The following UBE3D variants were observed in gnomAD, a reference collection of about 807,000 sequenced individuals.
UBE3D encodes ubiquitin protein ligase E3D.
A neutral mutation model predicts 49.6 loss-of-function variants in UBE3D; 48 were observed. The ratio of observed to expected loss-of-function variants is 0.97; its 90% CI spans 0.77 to 1.23. The LOEUF (loss-of-function observed/expected upper bound fraction) is 1.23, where lower values mean the gene tolerates loss of function less well. Among genes scored for constraint, UBE3D ranks in the 50% most tolerant of loss-of-function variants. The pLI is 0.00. For missense variants in UBE3D, 452 were observed against 468.4 expected (o/e 0.96, Z 0.32); for synonymous variants, 189 against 174.2 (o/e 1.08, Z -0.67).
At chr6:82,968,950 T>C (rs1777144897) in intron 8 of UBE3D, among the ~76,000 whole-genome samples, 1 of 152,186 alleles carries the variant, frequency 6.6e-6, no homozygotes, top group Non-Finnish European at 1.5e-5. Context: ...TTATTAGGCC[T>C]TTTCTCATCA....
intron 8 of UBE3D, among the ~76,000 whole-genome samples, chr6:82,961,749 G>T (rs1030418744): frequency 1.3e-5 from 2 of 152,034 alleles, no homozygotes; most frequent in African/African-American, 4.8e-5. Flanking sequence ...ATCACCTGAG[G>T]TCGGGAGTTC....
intron 9 of UBE3D, among the ~76,000 whole-genome samples, chr6:82,893,762 G>A (rs569135186): frequency 3.5e-4 from 54 of 152,286 alleles, no homozygotes; most frequent in Non-Finnish European, 1.5e-4. Context: ...CGTATTAGGC[G>A]TGAGCAACAG....
At chr6:83,017,208 CTAA>C (rs1335192762) in intron 8 of UBE3D, 4 of 152,120 alleles carry the variant, frequency 2.6e-5, no homozygotes, top group African/African-American at 9.7e-5. Flanking sequence ...TTTTATTCCT[CTAA>C]TAACACAGCT....
At chr6:82,939,727 C>T (rs1003295972) in intron 9 of UBE3D, among the ~76,000 whole-genome samples, 1 of 152,186 alleles carries the variant, frequency 6.6e-6, no homozygotes, top group Non-Finnish European at 1.5e-5. Context: ...TGTAAGTGCA[C>T]TCTATGACAT....
chr6:82,882,328 C>T, the UBE3D span, among the ~76,000 whole-genome samples: 2 of 152,034 alleles, frequency 1.3e-5, no homozygotes, highest in African/African-American at 4.8e-5. Context: ...AAGGCTTTAT[C>T]GGAATATAAA....
chr6:82,954,104 T>G (rs1303948525), intron 9 of UBE3D, among the ~76,000 whole-genome samples: 1 of 152,192 alleles, frequency 6.6e-6, no homozygotes, highest in African/African-American at 2.4e-5. Context: ...GGCCAAGATG[T>G]TCCCCGGCCT....
intron 8 of UBE3D, among the ~76,000 whole-genome samples, chr6:82,961,239 C>T (rs372043696): frequency 6.6e-6 from 1 of 152,150 alleles, no homozygotes; most frequent in Admixed American, 6.5e-5. Flanking sequence ...TTTGAAGACA[C>T]ATTACTTAGT....
intron 8 of UBE3D, among the ~76,000 whole-genome samples, chr6:83,009,817 A>G (rs1318207393): frequency 6.6e-6 from 1 of 150,492 alleles, no homozygotes; most frequent in Non-Finnish European, 1.5e-5. Flanking sequence ...GAAGTATTAA[A>G]GAGTATACTT....
intron 8 of UBE3D, among the ~76,000 whole-genome samples, chr6:82,979,844 A>C (rs1777991352): frequency 6.6e-6 from 1 of 152,150 alleles, no homozygotes; most frequent in Non-Finnish European, 1.5e-5. Context: ...AACATGCAGT[A>C]TATGACTTCC....
chr6:83,049,792 A>G (rs557913123), intron 3 of UBE3D: 118 of 471,068 alleles, frequency 2.5e-4, no homozygotes, highest in South Asian at 1.7e-3. Flanking sequence ...GAAAGGCTTG[A>G]GTTTGAAAGT....
chr6:82,947,100 T>C (rs1363270255), intron 9 of UBE3D, among the ~76,000 whole-genome samples: 1 of 151,630 alleles, frequency 6.6e-6, no homozygotes, highest in Non-Finnish European at 1.5e-5. Context: ...AATAAAAAGA[T>C]GGAAAAATAT....
chr6:82,914,502 G>C (rs76253472), intron 9 of UBE3D, among the ~76,000 whole-genome samples: 1,571 of 152,270 alleles, frequency 0.01, 17 homozygotes, highest in African/African-American at 0.02. Context: ...ATGGGGTAGG[G>C]AGAAGTTGGC....
At chr6:82,958,192 G>C (rs1334606895) in intron 8 of UBE3D, among the ~76,000 whole-genome samples, 1 of 152,118 alleles carries the variant, frequency 6.6e-6, no homozygotes, top group Non-Finnish European at 1.5e-5. Flanking sequence ...TATGGCTGGG[G>C]CTAGAATCCT....
chr6:82,926,887 AT>A (rs1773791127), intron 9 of UBE3D, among the ~76,000 whole-genome samples: 2 of 151,956 alleles, frequency 1.3e-5, no homozygotes, highest in Admixed American at 6.6e-5. Context: ...TCTTTCTTTC[AT>A]GGGGTATGCC....
intron 9 of UBE3D, among the ~76,000 whole-genome samples, chr6:82,954,703 G>A (rs1385554459): frequency 1.3e-5 from 2 of 152,084 alleles, no homozygotes; most frequent in Non-Finnish European, 2.9e-5. Flanking sequence ...CTAAACACAG[G>A]CAAAATTAGA....
intron 8 of UBE3D, among the ~76,000 whole-genome samples, chr6:82,973,411 T>A (rs1249562216): frequency 6.6e-6 from 1 of 152,152 alleles, no homozygotes; most frequent in Non-Finnish European, 1.5e-5. Context: ...CTAAAAGGCA[T>A]CTCCTCCCCG....
intron 9 of UBE3D, among the ~76,000 whole-genome samples, chr6:82,918,309 T>C (rs1319615009): frequency 6.7e-6 from 1 of 148,822 alleles, no homozygotes; most frequent in African/African-American, 2.5e-5. Flanking sequence ...AACAAAAAAA[T>C]AAACCCTTTC....
At chr6:82,996,310 C>T (rs915489030) in intron 8 of UBE3D, among the ~76,000 whole-genome samples, 17 of 97,928 alleles carry the variant, frequency 1.7e-4, no homozygotes, top group African/African-American at 6.2e-4. Flanking sequence ...ATTTGAGCAA[C>T]AAAATAAATA....
At chr6:83,054,766 T>G (rs1391295247) in intron 2 of UBE3D, among the ~76,000 whole-genome samples, 2 of 152,134 alleles carry the variant, frequency 1.3e-5, no homozygotes, top group Non-Finnish European at 2.9e-5. Flanking sequence ...ATTCTCTGCC[T>G]CAGCCTCCCG....
Sources: allele counts gnomAD v4.1 joint callset (sites outside exome capture counted in the v4.1 genomes callset), GRCh38; gene constraint gnomAD v4.1.1; transcripts MANE v1.5; gene names NCBI Gene and HGNC (gene_info 2026-07-23, HGNC 2026-07-21).